Variants in RNF38 observed in about 807,000 individuals in gnomAD.
The protein encoded by RNF38 is ring finger protein 38.
In RNF38, 15 loss-of-function variants were observed where a neutral mutation model predicts 67.2. The observed-to-expected ratio is 0.22, with a 90% CI of 0.15 to 0.34. The LOEUF (loss-of-function observed/expected upper bound fraction) is 0.34, where lower values mean the gene tolerates loss of function less well. Ranked by LOEUF, RNF38 falls within the 10% of genes least tolerant of loss-of-function variation. The pLI, the probability that RNF38 is intolerant of heterozygous loss-of-function variation, is 1.00. For synonymous variants in RNF38, 220 were observed against 218.8 expected, an observed-to-expected ratio of 1.01 and a Z score of -0.05; for missense variants, 524 against 639.9, an observed-to-expected ratio of 0.82 and a Z score of 1.95.
At chr9:36,398,172 C>T (rs1837687621) in intron 1 of RNF38, among the ~76,000 whole-genome samples, 2 of 152,184 alleles carry the variant, frequency 1.3e-5, no homozygotes, top group South Asian at 4.1e-4. Context: ...CTTAAAGCAA[C>T]TCAGTCTAGT....
intron 1 of RNF38, among the ~76,000 whole-genome samples, chr9:36,464,391 ACT>A (rs1839812083): frequency 6.6e-6 from 1 of 151,140 alleles, no homozygotes; most frequent in African/African-American, 2.4e-5. Context: ...ATATGGTGAA[ACT>A]CTGTCACTAC....
At chr9:36,411,997 T>C (rs773540381) in intron 2 of RNF38, among the ~76,000 whole-genome samples, 4 of 151,392 alleles carry the variant, frequency 2.6e-5, no homozygotes, top group Non-Finnish European at 5.9e-5. Flanking sequence ...ATGATTCTAC[T>C]TGTATGAGGT....
chr9:36,459,200 CT>C (rs1325453845), intron 1 of RNF38, among the ~76,000 whole-genome samples: 1 of 147,966 alleles, frequency 6.8e-6, no homozygotes, highest in African/African-American at 2.5e-5. Flanking sequence ...GAGCGAGACT[CT>C]GTCTCAAAAA....
intron 1 of RNF38, among the ~76,000 whole-genome samples, chr9:36,429,349 T>C (rs1385041034): frequency 6.6e-6 from 1 of 152,168 alleles, no homozygotes; most frequent in African/African-American, 2.4e-5. Flanking sequence ...GGGAGCTTGG[T>C]CCCAGGACCC....
chr9:36,373,507 G>A (rs1835543396), intron 3 of RNF38, among the ~76,000 whole-genome samples: 1 of 151,604 alleles, frequency 6.6e-6, no homozygotes, highest in Non-Finnish European at 1.5e-5. Context: ...GAAAAATGAA[G>A]GGGAACGGTA....
At chr9:36,370,929 G>A (rs939702048) in intron 3 of RNF38, among the ~76,000 whole-genome samples, 2 of 151,688 alleles carry the variant, frequency 1.3e-5, no homozygotes, top group Non-Finnish European at 2.9e-5. Flanking sequence ...GAGAGGGAGA[G>A]AATTTGCTTA....
chr9:36,357,647 TA>T, intron 5 of RNF38, 127 bp downstream of exon 5: 2 of 579,404 alleles, frequency 3.5e-6, no homozygotes. Context: ...GACAGTCTCT[TA>T]AATTTTGTTT....
At chr9:36,454,497 T>C (rs1368443691) in intron 1 of RNF38, among the ~76,000 whole-genome samples, 2 of 152,022 alleles carry the variant, frequency 1.3e-5, no homozygotes, top group African/African-American at 4.8e-5. Context: ...CATCTCAACA[T>C]TGCACAAATA....
intron 1 of RNF38, among the ~76,000 whole-genome samples, chr9:36,450,989 T>C (rs1839423510): frequency 1.3e-5 from 2 of 152,188 alleles, no homozygotes; most frequent in South Asian, 2.1e-4. Context: ...TGATGTAGTC[T>C]TGCATTCCCC....
chr9:36,342,232 C>T (rs1832909356), intron 11 of RNF38, 93 bp downstream of exon 11: 4 of 869,944 alleles, frequency 4.6e-6, no homozygotes, highest in East Asian at 2.5e-5. Flanking sequence ...TTTTGTCTTC[C>T]TTCCTGTCCA....
At chr9:36,390,763 T>C in intron 1 of RNF38, 147 bp from the exon 2 acceptor site, 1 of 882,704 alleles carries the variant, frequency 1.1e-6, no homozygotes, top group South Asian at 1.8e-5. Flanking sequence ...ATTTTAAACA[T>C]CAAAACATAA....
At chr9:36,372,092 G>T (rs867516509) in intron 3 of RNF38, among the ~76,000 whole-genome samples, 1 of 151,800 alleles carries the variant, frequency 6.6e-6, no homozygotes, top group African/African-American at 2.4e-5. Context: ...CACCTTGCCT[G>T]GCTGATTTTT....
In RNF38 at chr9:36,337,251, C is replaced by T. The variant is rs1936411799; in HGVS notation, c.*2501G>A. ...AACACCTGTGTGTGTGTTCCTGATA[C>T]ACACTAACCACAATAAGCAAGTCTG... On this transcript the variant is annotated 3_prime_UTR_variant, in exon 12 of 12. Coordinates refer to ENST00000259605, the MANE Select transcript of RNF38 (RefSeq NM_022781.5). The T allele has an allele frequency of 1.3e-5, 2 of 152,246 alleles. No homozygotes were observed. The highest frequency in any genetic ancestry group is 2.9e-5 in the Non-Finnish European group (2 of 68,024). The allele number at this position is 152,246 out of a possible 1,614,324, so 9.4% of individuals were successfully genotyped here.
intron 1 of RNF38, among the ~76,000 whole-genome samples, chr9:36,393,209 T>C (rs1837243455): frequency 1.3e-5 from 2 of 152,280 alleles, no homozygotes; most frequent in South Asian, 4.1e-4. Flanking sequence ...TTCTCCTTCA[T>C]TCCTTGTTCC....
At chr9:36,383,220 TGAGACA>T (rs1295325396) in intron 2 of RNF38, among the ~76,000 whole-genome samples, 2 of 152,196 alleles carry the variant, frequency 1.3e-5, no homozygotes, top group Non-Finnish European at 2.9e-5. Flanking sequence ...TTTTGGTTGC[TGAGACA>T]GAGTCTCGCT....
chr9:36,378,087 C>T (rs1299360072), intron 2 of RNF38, among the ~76,000 whole-genome samples: 2 of 151,286 alleles, frequency 1.3e-5, no homozygotes, highest in Non-Finnish European at 2.9e-5. Context: ...CAATCAAGAC[C>T]TGACAAACTT....
At chr9:36,390,839 A>G (rs1837025230) in intron 1 of RNF38, among the ~76,000 whole-genome samples, 1 of 152,242 alleles carries the variant, frequency 6.6e-6, no homozygotes, top group South Asian at 2.1e-4. Context: ...AAAACAGCAC[A>G]GCCCAAGAAC....
At chr9:36,371,704 A>G (rs1279760496) in intron 3 of RNF38, among the ~76,000 whole-genome samples, 1 of 152,012 alleles carries the variant, frequency 6.6e-6, no homozygotes, top group African/African-American at 2.4e-5. Context: ...TGCCTGCCTC[A>G]GCCTCCCAGA....
At chr9:36,376,237 G>T in intron 2 of RNF38, 110 bp from the exon 3 acceptor site, 2 of 811,488 alleles carry the variant, frequency 2.5e-6, no homozygotes, top group Non-Finnish European at 1.8e-6. Context: ...AAAATGTAAA[G>T]CGGGGAAAAA....
Sources: gnomAD v4.1 joint callset for allele counts (sites outside exome capture counted in the v4.1 genomes callset) on GRCh38, gnomAD v4.1.1 for gene constraint, MANE v1.5 for transcripts, NCBI Gene and HGNC (gene_info 2026-07-23, HGNC 2026-07-21) for gene names.